The following EPHA7 variants were observed in gnomAD, a reference collection of about 807,000 sequenced individuals.
The protein encoded by EPHA7 is ephrin type-A receptor 7.
Under a neutral mutation model 112.6 loss-of-function variants are expected in EPHA7, and 25 were observed. The ratio of observed to expected loss-of-function variants is 0.22; its 90% CI spans 0.16 to 0.31. The LOEUF (loss-of-function observed/expected upper bound fraction) is 0.31. Ranked by LOEUF, EPHA7 falls within the 10% of genes least tolerant of loss-of-function variation. The pLI, the probability that EPHA7 is intolerant of heterozygous loss-of-function variation, is 1.00. For synonymous variants in EPHA7, 437 were observed against 406.5 expected, an observed-to-expected ratio of 1.07 and a Z score of -0.90; for missense variants, 962 against 1,212.6, an observed-to-expected ratio of 0.79 and a Z score of 3.07.
At chr6:93,268,947 A>T (rs1295774570) in intron 7 of EPHA7, among the ~76,000 whole-genome samples, 1 of 151,792 alleles carries the variant, frequency 6.6e-6, no homozygotes, top group Non-Finnish European at 1.5e-5. Flanking sequence ...TCCATAACAA[A>T]AATGAAAAAT....
chr6:93,278,968 T>G (rs1313668194), intron 5 of EPHA7, among the ~76,000 whole-genome samples: 1 of 152,096 alleles, frequency 6.6e-6, no homozygotes, highest in Non-Finnish European at 1.5e-5. Context: ...TTTGAGAATA[T>G]AAGGATCAAA....
chr6:93,254,233 A>C (rs1770338966), intron 14 of EPHA7, among the ~76,000 whole-genome samples: 1 of 152,144 alleles, frequency 6.6e-6, no homozygotes, highest in Non-Finnish European at 1.5e-5. Flanking sequence ...TAATTTAAAG[A>C]ATTTTCTTAG....
chr6:93,362,314 C>A (rs999847756), intron 3 of EPHA7, among the ~76,000 whole-genome samples: 1 of 151,938 alleles, frequency 6.6e-6, no homozygotes, highest in East Asian at 1.9e-4. Flanking sequence ...TATATTACAA[C>A]ACATTAAGTC....
intron 5 of EPHA7, among the ~76,000 whole-genome samples, chr6:93,354,715 CA>C (rs1775858977): frequency 6.7e-6 from 1 of 149,700 alleles, no homozygotes; most frequent in African/African-American, 2.4e-5. Flanking sequence ...TTTTACATAA[CA>C]ACTGCGAAAT....
At chr6:93,307,705 C>T (rs1773328302) in intron 5 of EPHA7, among the ~76,000 whole-genome samples, 1 of 152,054 alleles carries the variant, frequency 6.6e-6, no homozygotes, top group African/African-American at 2.4e-5. Context: ...TATGTATGCA[C>T]ATATATTACA....
intron 5 of EPHA7, among the ~76,000 whole-genome samples, chr6:93,340,669 C>A (rs2127919667): frequency 6.6e-6 from 1 of 151,860 alleles, no homozygotes; most frequent in Middle Eastern, 3.4e-3. Context: ...TGCAAGTAAG[C>A]CACTTTTTAA....
chr6:93,417,079 G>T (rs1463743412), intron 1 of EPHA7, among the ~76,000 whole-genome samples: 1 of 152,174 alleles, frequency 6.6e-6, no homozygotes, highest in Non-Finnish European at 1.5e-5. Context: ...CGGCGGCGGC[G>T]GCGGCATTTA....
chr6:93,356,125 C>G (rs1775930369), intron 5 of EPHA7, among the ~76,000 whole-genome samples: 1 of 152,030 alleles, frequency 6.6e-6, no homozygotes, highest in South Asian at 2.1e-4. Context: ...TTCATTTTGA[C>G]CACTATTTTC....
chr6:93,301,010 T>C (rs1772950675), intron 5 of EPHA7, among the ~76,000 whole-genome samples: 1 of 152,126 alleles, frequency 6.6e-6, no homozygotes, highest in South Asian at 2.1e-4. Flanking sequence ...TATCTAAACA[T>C]ATGTAAACAC....
At chr6:93,373,304 C>G (rs1285865443) in intron 3 of EPHA7, among the ~76,000 whole-genome samples, 1 of 151,822 alleles carries the variant, frequency 6.6e-6, no homozygotes, top group East Asian at 1.9e-4. Context: ...AGCAATAATT[C>G]TTGACCTTTT....
chr6:93,309,391 C>A (rs1314165443), intron 5 of EPHA7, among the ~76,000 whole-genome samples: 1 of 152,030 alleles, frequency 6.6e-6, no homozygotes, highest in African/African-American at 2.4e-5. Context: ...ATATGAAATG[C>A]TGATATGAAG....
intron 5 of EPHA7, among the ~76,000 whole-genome samples, chr6:93,342,299 CA>C (rs11316007): frequency 0.25 from 37,116 of 151,356 alleles, 5,119 homozygotes; most frequent in East Asian, 0.59. Context: ...TACCATAAGA[CA>C]AAAAAGTAGA....
rs1006492284 is a variant in EPHA7, at chr6:93,394,223, T to C, written c.832+16278A>G. 7.2e-5 allele frequency among the ~76,000 whole-genome samples: 11 copies of C among 151,936 alleles called. 1 individual carries two copies. Among genetic ancestry groups the C allele is most frequent in the Non-Finnish European group, 1.5e-4 (10 of 67,852 alleles). ...CTTCAAAAATAATGGCTTCATTGGC[T>C]GAATTTAGTAGCTGTATGTGCAGAT... On this transcript the variant is annotated intron_variant, in intron 3 of 16. Transcript: ENST00000369303.
chr6:93,395,052 A>T (rs1478279353), intron 3 of EPHA7, among the ~76,000 whole-genome samples: 1 of 151,804 alleles, frequency 6.6e-6, no homozygotes, highest in African/African-American at 2.4e-5. Flanking sequence ...AGTACTATGG[A>T]AAATCCTTCC....
At chr6:93,257,584 C>T in intron 11 of EPHA7, 61 bp from the exon 12 acceptor site, 1 of 1,072,356 alleles carries the variant, frequency 9.3e-7, no homozygotes, top group Non-Finnish European at 1.4e-6. Context: ...CATTTCCTTT[C>T]TCATCCCCCA....
intron 3 of EPHA7, among the ~76,000 whole-genome samples, chr6:93,407,554 C>T (rs1481990949): frequency 2.0e-5 from 3 of 152,020 alleles, no homozygotes; most frequent in Non-Finnish European, 4.4e-5. Flanking sequence ...AAAGTTATGT[C>T]ATAAGCAATT....
chr6:93,338,240 TTC>T (rs1364099297), intron 5 of EPHA7, among the ~76,000 whole-genome samples: 1 of 152,136 alleles, frequency 6.6e-6, no homozygotes, highest in Admixed American at 6.6e-5. Flanking sequence ...TGCTTCTCTC[TTC>T]TCTCTCTTTT....
At chr6:93,338,000 A>G (rs1227930466) in intron 5 of EPHA7, among the ~76,000 whole-genome samples, 1 of 152,050 alleles carries the variant, frequency 6.6e-6, no homozygotes, top group African/African-American at 2.4e-5. Context: ...GAGGGAGGGA[A>G]GAAGAAGCAT....
intron 5 of EPHA7, among the ~76,000 whole-genome samples, chr6:93,317,629 CACA>C (rs1263635613): frequency 6.6e-5 from 10 of 152,144 alleles, no homozygotes; most frequent in African/African-American, 1.2e-4. Flanking sequence ...TACACATAAT[CACA>C]ACAAGTTCAG....
Sources: gnomAD v4.1 joint callset for allele counts (sites outside exome capture counted in the v4.1 genomes callset) on GRCh38, gnomAD v4.1.1 for gene constraint, MANE v1.5 for transcripts, NCBI Gene and HGNC (gene_info 2026-07-23, HGNC 2026-07-21) for gene names.